The following ATG4A variants were observed in gnomAD, a reference collection of about 807,000 sequenced individuals.
ATG4A encodes the protein autophagy related 4A cysteine peptidase.
In ATG4A, 22 loss-of-function variants were observed where a neutral mutation model predicts 38.4. That is an observed-to-expected ratio of 0.57 (90% CI 0.41 to 0.82). The LOEUF (loss-of-function observed/expected upper bound fraction) is 0.82, where lower values mean the gene tolerates loss of function less well. Among genes scored for constraint, ATG4A ranks in the 40% least tolerant of loss-of-function variants. The probability of loss-of-function intolerance (pLI) is 0.00; values close to 1 mark genes in which losing one functional copy is unlikely to be tolerated. For missense variants in ATG4A, 220 were observed against 290.0 expected, an observed-to-expected ratio of 0.76 and a Z score of 1.75; for synonymous variants, 86 against 100.7, an observed-to-expected ratio of 0.85 and a Z score of 0.88.
rs2033652434 is a variant in ATG4A at position 108,154,101 on chromosome X, C to G, written c.*389C>G. The G allele has an allele frequency of 7.8e-6, 1 of 127,851 alleles. No homozygotes were observed. Among genetic ancestry groups the G allele is most frequent in the Non-Finnish European group, 1.6e-5 (1 of 63,815 alleles). 10.5% of individuals were successfully genotyped at this position (127,851 alleles called of 1,213,427 possible). Reference sequence around the variant, plus strand: ...TAAGAGATGGTTAAGCTGTTCTTCACCCTTTCAGATGTGACCTCTTTTGGA... The same window carrying G: ...TAAGAGATGGTTAAGCTGTTCTTCAGCCTTTCAGATGTGACCTCTTTTGGA... On this transcript the variant is annotated 3_prime_UTR_variant, in exon 13 of 13. Coordinates refer to ENST00000372232, the MANE Select transcript of ATG4A (RefSeq NM_052936.5).
intron 9 of ATG4A, among the ~76,000 whole-genome samples, chrX:108,140,584 T>TAC (rs889800655): frequency 2.9e-5 from 3 of 104,636 alleles, no homozygotes; most frequent in African/African-American, 1.0e-4. Flanking sequence ...TACATATATA[T>TAC]ACATATATAT....
chrX:108,136,074 G>A (rs762251735), intron 6 of ATG4A, among the ~76,000 whole-genome samples: 1 of 111,227 alleles, frequency 9.0e-6, no homozygotes, highest in East Asian at 2.8e-4. Flanking sequence ...GAGCCACCAC[G>A]CCTGGTGTAG....
At chrX:108,139,334 G>A (rs775984767) in intron 9 of ATG4A, among the ~76,000 whole-genome samples, 2 of 111,986 alleles carry the variant, frequency 1.8e-5, no homozygotes, top group African/African-American at 3.2e-5. Context: ...TGCCTGACTC[G>A]CCCTGTTGTC....
chrX:108,093,599 G>A (rs1451928414), intron 1 of ATG4A, among the ~76,000 whole-genome samples: 1 of 111,643 alleles, frequency 9.0e-6, no homozygotes, highest in Admixed American at 9.5e-5. Context: ...GGAGTTACTG[G>A]ATCACAGGGA....
At chrX:108,105,049 A>G (rs767392320) in intron 1 of ATG4A, among the ~76,000 whole-genome samples, 1 of 109,167 alleles carries the variant, frequency 9.2e-6, no homozygotes, top group South Asian at 3.9e-4. Flanking sequence ...TGGCATCTTT[A>G]TGATGGTTAT....
intron 6 of ATG4A, among the ~76,000 whole-genome samples, chrX:108,136,735 G>A (rs1473601018): frequency 1.8e-5 from 2 of 112,598 alleles, no homozygotes; most frequent in Non-Finnish European, 3.7e-5. Context: ...AATTCAGTAA[G>A]TCAGAATGTC....
At chrX:108,088,862 C>G, upstream of ATG4A, 3 of 1,114,867 alleles carry the variant, frequency 2.7e-6, no homozygotes, top group Non-Finnish European at 3.6e-6. Flanking sequence ...TACAGAGAAG[C>G]AGTAATAGAA....
rs1173596328 is a variant in ATG4A at position 108,140,918 on chromosome X, A to G, written c.814+2727A>G. ...TACACAAAGTATTACATGTACATAT[A>G]CATATATACATATATATACATATAT... On this transcript the variant is annotated intron_variant, in intron 9 of 12. Transcript: ENST00000372232. 4.2e-5 allele frequency among the ~76,000 whole-genome samples: 3 copies of G among 72,042 alleles called. No homozygotes were observed. The East Asian group carries it at 1.0e-3, about 24-fold the overall frequency. 62.6% of individuals were successfully genotyped at this position (72,042 alleles called of 115,157 possible). A position where few individuals can be genotyped will look rare whatever the true frequency, so the allele number is the denominator to read the frequency against.
At chrX:108,133,352 G>A (rs945660177) in intron 4 of ATG4A, among the ~76,000 whole-genome samples, 1 of 112,465 alleles carries the variant, frequency 8.9e-6, no homozygotes, top group Non-Finnish European at 1.9e-5. Context: ...AGCAAGTTAC[G>A]AATGGCCTCT....
intron 1 of ATG4A, among the ~76,000 whole-genome samples, chrX:108,110,247 G>A (rs891407252): frequency 3.8e-5 from 4 of 106,308 alleles, no homozygotes; most frequent in Admixed American, 1.0e-4. Context: ...GTGGGTGCCT[G>A]TAGTCCCAGC....
At chrX:108,138,333 G>A in intron 9 of ATG4A, 142 bp downstream of exon 9, 1 of 517,614 alleles carries the variant, frequency 1.9e-6, no homozygotes, top group Non-Finnish European at 3.3e-6. Flanking sequence ...AGCTCCTTCT[G>A]TCTCCGGCCT....
chrX:108,102,493 G>C lies in ATG4A; in HGVS notation c.10+10657G>C, dbSNP rs186256043. On this transcript the variant is annotated intron_variant, in intron 1 of 12. Coordinates refer to ENST00000372232, the MANE Select transcript of ATG4A (RefSeq NM_052936.5). ...TGCAAATATTTTCTCCCATTCTGTA[G>C]GTTGCCTTTCATTCTGTTGTTTCCT... Among the ~76,000 whole-genome samples, 458 of 111,699 alleles carry C rather than the reference G, an allele frequency of 4.1e-3. 10 individuals carry two copies. Among genetic ancestry groups the C allele is most frequent in the Non-Finnish European group, 2.7e-3 (141 of 53,099 alleles).
chrX:108,090,238 G>T (rs757482571), upstream of ATG4A, among the ~76,000 whole-genome samples: 1 of 112,037 alleles, frequency 8.9e-6, no homozygotes, highest in African/African-American at 3.2e-5. Context: ...TATCCGGTCT[G>T]TATTCAGATT....
intron 1 of ATG4A, among the ~76,000 whole-genome samples, chrX:108,115,864 T>A (rs755583800): frequency 8.9e-6 from 1 of 112,639 alleles, no homozygotes; most frequent in East Asian, 2.8e-4. Context: ...ACCCACTTTA[T>A]GAAGAGCCAC....
intron 2 of ATG4A, among the ~76,000 whole-genome samples, chrX:108,127,641 G>A (rs2032835944): frequency 8.9e-6 from 1 of 111,894 alleles, no homozygotes; most frequent in Non-Finnish European, 1.9e-5. Context: ...GCTAGGCACC[G>A]GGGCATGGAA....
At chrX:108,091,307 G>T, upstream of ATG4A, 2 of 801,249 alleles carry the variant, frequency 2.5e-6, no homozygotes, top group Non-Finnish European at 3.8e-6. Flanking sequence ...GCGGGGTTCT[G>T]CTTCTCTCAG....
rs1397177075 is a variant in ATG4A at position 108,153,894 on chromosome X, C to G, written c.*182C>G. On this transcript the variant is annotated 3_prime_UTR_variant, in exon 13 of 13. Coordinates refer to ENST00000372232, the MANE Select transcript of ATG4A (RefSeq NM_052936.5). Reference sequence around the variant, plus strand: ...AAACAAAACAAAACAAAACAAATGACAGTAACCCTTCCCCGGAAAGAAATA... The same window carrying G: ...AAACAAAACAAAACAAAACAAATGAGAGTAACCCTTCCCCGGAAAGAAATA... The G allele has an allele frequency of 2.7e-4, 103 of 385,484 alleles. No homozygotes were observed. In the East Asian group the frequency reaches 4.3e-3, roughly 16 times the overall value. The allele number at this position is 385,484 out of a possible 1,213,427, so 31.8% of individuals were successfully genotyped here. A position where few individuals can be genotyped will look rare whatever the true frequency, so the allele number is the denominator to read the frequency against.
In ATG4A at chrX:108,142,812, A is replaced by C. The variant is rs1193462816; in HGVS notation, c.814+4621A>C. On this transcript the variant is annotated intron_variant, in intron 9 of 12. Transcript: ENST00000372232. The stretch of plus-strand genomic sequence containing the variant: ...TGCCTTTCCCAGCCCACTGATTCAA[A>C]TATTAATCTGCTTTGGCAACACCCT... Among the ~76,000 whole-genome samples the C allele has an allele frequency of 7.3e-4, 81 of 111,392 alleles. 6 individuals are homozygous for C. The highest frequency in any genetic ancestry group is 3.8e-5 in the Non-Finnish European group (2 of 53,113).
At chrX:108,123,893 G>A (rs2032726983) in intron 1 of ATG4A, among the ~76,000 whole-genome samples, 1 of 112,112 alleles carries the variant, frequency 8.9e-6, no homozygotes, top group South Asian at 3.7e-4. Flanking sequence ...ACTAAAAAAA[G>A]ACCCAAGGCT....
Sources: allele counts gnomAD v4.1 joint callset (sites outside exome capture counted in the v4.1 genomes callset), GRCh38; gene constraint gnomAD v4.1.1; transcripts MANE v1.5; gene names NCBI Gene and HGNC (gene_info 2026-07-23, HGNC 2026-07-21).